The following FNIP1 variants were observed in gnomAD, a reference collection of about 807,000 sequenced individuals.
The protein encoded by FNIP1 is folliculin-interacting protein 1.
FNIP1 carries 40 observed loss-of-function variants against 124.5 expected under a neutral mutation model. The ratio of observed to expected loss-of-function variants is 0.32; its 90% CI spans 0.25 to 0.42. FNIP1 has a LOEUF of 0.42. FNIP1 is among the 10% of genes least tolerant of loss of function. The pLI, the probability that FNIP1 is intolerant of heterozygous loss-of-function variation, is 1.00. For synonymous variants in FNIP1, 472 were observed against 470.6 expected (o/e 1.00, Z -0.04); for missense variants, 1,176 against 1,403.7 (o/e 0.84, Z 2.59).
intron 1 of FNIP1, among the ~76,000 whole-genome samples, chr5:131,794,008 T>A (rs1226663548): frequency 6.6e-6 from 1 of 152,020 alleles, no homozygotes; most frequent in African/African-American, 2.4e-5. Flanking sequence ...AGAATGGCTA[T>A]AATCAAAAGA....
intron 11 of FNIP1, among the ~76,000 whole-genome samples, chr5:131,693,329 T>C (rs868347283): frequency 8.3e-4 from 49 of 59,320 alleles, no homozygotes; most frequent in African/African-American, 2.6e-3. Flanking sequence ...CATATATATA[T>C]ATACATATAT....
chr5:131,678,008 A>G (rs1200822870), intron 12 of FNIP1, 136 bp from the exon 13 acceptor site: 3 of 756,094 alleles, frequency 4.0e-6, no homozygotes, highest in Non-Finnish European at 6.1e-6. Context: ...AAGAGAGAGG[A>G]AAGGATGAGT....
intron 15 of FNIP1, among the ~76,000 whole-genome samples, chr5:131,666,962 G>T (rs2149512584): frequency 6.6e-6 from 1 of 152,278 alleles, no homozygotes; most frequent in Non-Finnish European, 1.5e-5. Flanking sequence ...GACACAGAGT[G>T]CATTAGAAGA....
Position 131,671,586 on chromosome 5 carries a change from T to C in FNIP1, c.2858A>G (p.His953Arg). Residue 953 changes from histidine to arginine, a missense_variant, in exon 14 of 18, where the codon CAT becomes CGT. Coordinates refer to ENST00000510461, the MANE Select transcript of FNIP1 (RefSeq NM_133372.3). The stretch of plus-strand genomic sequence containing the variant: ...ACTGCTAACTTGTCTAGTCATATCA[T>C]GACCTGTATCTTCACTTTCACTATC... ...LGDSESEDTG[H>R]DMTRQVSSYY... 1 of 1,613,880 alleles carries C rather than the reference T, an allele frequency of 6.2e-7. No individual in the cohort carries two copies. The highest frequency in any genetic ancestry group is 1.1e-5 in the South Asian group (1 of 91,086).
intron 11 of FNIP1, among the ~76,000 whole-genome samples, chr5:131,679,457 A>G (rs1768008423): frequency 6.6e-6 from 1 of 152,194 alleles, no homozygotes; most frequent in East Asian, 1.9e-4. Context: ...TACCTGTAAA[A>G]TGAAAGGATA....
At chr5:131,730,860 T>C (rs752057377) in intron 3 of FNIP1, 44 bp downstream of exon 3, 3 of 1,517,412 alleles carry the variant, frequency 2.0e-6, no homozygotes, top group Admixed American at 2.0e-5. Flanking sequence ...TGTTCAAAAC[T>C]AATTATAAAT....
At chr5:131,645,215 T>C (rs1766845846) in intron 17 of FNIP1, among the ~76,000 whole-genome samples, 4 of 150,628 alleles carry the variant, frequency 2.7e-5, no homozygotes. Context: ...CCAGCTACTC[T>C]GGAAGCTGAG....
At chr5:131,748,861 A>G (rs944848418) in intron 1 of FNIP1, among the ~76,000 whole-genome samples, 1 of 152,192 alleles carries the variant, frequency 6.6e-6, no homozygotes, top group Non-Finnish European at 1.5e-5. Context: ...CATTATTAGC[A>G]TAAGAGATGA....
At chr5:131,712,739 T>A (rs1416890799) in intron 6 of FNIP1, among the ~76,000 whole-genome samples, 1 of 152,208 alleles carries the variant, frequency 6.6e-6, no homozygotes, top group African/African-American at 2.4e-5. Flanking sequence ...GTAATCCACA[T>A]AAACAAAAGT....
chr5:131,662,550 A>G lies in FNIP1; in HGVS notation c.3108+7913T>C, dbSNP rs116844764. ...ACCTTGTACTGTAGGTCAGTTGCAAAGGCTTTGCCCTCCCACAGTGGTGGG... is the reference window on the plus strand; with the variant it reads ...ACCTTGTACTGTAGGTCAGTTGCAAGGGCTTTGCCCTCCCACAGTGGTGGG... On this transcript the variant is annotated intron_variant, in intron 15 of 17. Transcript: ENST00000510461. Among the ~76,000 whole-genome samples the G allele has an allele frequency of 3.7e-4, 57 of 152,254 alleles. 1 individual carries two copies. The East Asian group carries it at 0.011, about 29-fold the overall frequency.
At chr5:131,645,140 T>C (rs1766830559) in intron 17 of FNIP1, among the ~76,000 whole-genome samples, 1 of 151,926 alleles carries the variant, frequency 6.6e-6, no homozygotes. Context: ...AGCAAGATAA[T>C]GAGACCCTGT....
chr5:131,775,275 A>G (rs996901489), intron 1 of FNIP1, among the ~76,000 whole-genome samples: 2 of 152,150 alleles, frequency 1.3e-5, no homozygotes, highest in African/African-American at 2.4e-5. Flanking sequence ...CCCCTGGCAA[A>G]CAGTTATTTA....
chr5:131,789,591 C>T (rs148088870), intron 1 of FNIP1, among the ~76,000 whole-genome samples: 131 of 152,236 alleles, frequency 8.6e-4, no homozygotes, highest in African/African-American at 3.1e-3. Context: ...ATTTATCCTC[C>T]CTACCAAAAA....
chr5:131,691,100 T>C (rs1237746131), intron 11 of FNIP1, among the ~76,000 whole-genome samples: 2 of 152,192 alleles, frequency 1.3e-5, no homozygotes, highest in African/African-American at 4.8e-5. Flanking sequence ...ATGGACCACA[T>C]TCTAGGCCAT....
chr5:131,687,037 A>G (rs1392971396), intron 11 of FNIP1, among the ~76,000 whole-genome samples: 1 of 149,430 alleles, frequency 6.7e-6, no homozygotes, highest in African/African-American at 2.4e-5. Context: ...AAAAAAAAGC[A>G]TAGGTTTATG....
At chr5:131,705,131 T>C (rs1769054068) in intron 9 of FNIP1, among the ~76,000 whole-genome samples, 1 of 151,958 alleles carries the variant, frequency 6.6e-6, no homozygotes, top group African/African-American at 2.4e-5. Context: ...AGGACTTAAA[T>C]AGACATTTCT....
chr5:131,735,639 C>T (rs569442843), intron 2 of FNIP1, among the ~76,000 whole-genome samples: 20 of 148,118 alleles, frequency 1.4e-4, no homozygotes, highest in South Asian at 2.1e-4. Context: ...TACGTATATA[C>T]GTATATATGC....
intron 6 of FNIP1, among the ~76,000 whole-genome samples, chr5:131,713,150 G>A (rs998891560): frequency 6.6e-5 from 10 of 151,954 alleles, no homozygotes; most frequent in Non-Finnish European, 1.2e-4. Flanking sequence ...CCGGGTTCAC[G>A]CTATTCTCCT....
At chr5:131,678,980 T>C (rs984080670) in intron 12 of FNIP1, 49 bp downstream of exon 12, 4 of 1,268,958 alleles carry the variant, frequency 3.2e-6, no homozygotes, top group African/African-American at 1.5e-5. Flanking sequence ...CATCTGTAAT[T>C]GAGTTTGATT....
Sources: allele counts gnomAD v4.1 joint callset (sites outside exome capture counted in the v4.1 genomes callset), GRCh38; gene constraint gnomAD v4.1.1; transcripts MANE v1.5; gene names NCBI Gene and HGNC (gene_info 2026-07-23, HGNC 2026-07-21).